NAT2: variants seen among roughly 807,000 people sequenced by gnomAD.
NAT2 encodes the protein arylamine N-acetyltransferase 2.
For synonymous variants in NAT2, 137 were observed against 125.9 expected, an observed-to-expected ratio of 1.09 and a Z score of -0.59; for missense variants, 428 against 339.1, an observed-to-expected ratio of 1.26 and a Z score of -2.06.
chr8:18,400,207 TC>T lies in NAT2; in HGVS notation c.205del (p.Leu69SerfsTer11), dbSNP rs1444509777. The T allele has an allele frequency of 1.2e-6, 2 of 1,611,960 alleles. No homozygotes were observed. Among genetic ancestry groups the T allele is most frequent in the Non-Finnish European group, 1.7e-6 (2 of 1,178,638 alleles). On this transcript the variant is annotated frameshift_variant, in exon 2 of 2. Transcript: ENST00000286479. LOFTEE classifies it low-confidence loss of function (END_TRUNC). ...TAAGAAGAAACCGGGGTGGGTGGTGTCTCCAGGTCAATCAACTTCTGTACTG... is the reference window on the plus strand; with the variant it reads ...TAAGAAGAAACCGGGGTGGGTGGTGTTCCAGGTCAATCAACTTCTGTACTG... ...IVRRNRGGWCLQVNQLLYWAL... is the reference protein window; with the variant it reads ...IVRRNRGGWCXQVNQLLYWAL...
At chr8:18,394,097 G>T (rs1800641494) in intron 1 of NAT2, among the ~76,000 whole-genome samples, 1 of 152,072 alleles carries the variant, frequency 6.6e-6, no homozygotes, top group Non-Finnish European at 1.5e-5. Context: ...ATAGATAAAA[G>T]AAAAGTACAG....
chr8:18,400,133 T>G lies in NAT2; in HGVS notation c.130T>G (p.Cys44Gly), dbSNP rs1800762657. 6.2e-7 allele frequency: 1 copy of G among 1,613,886 alleles called. No individual in the cohort carries two copies. The highest frequency in any genetic ancestry group is 8.5e-7 in the Non-Finnish European group (1 of 1,179,966). Residue 44 changes from cysteine (C) to glycine (G), a missense_variant, in exon 2 of 2, where the codon TGT (cysteine) becomes GGT (glycine). Physicochemically the swap from Cys to Gly is radical, Grantham distance 159. Coordinates refer to ENST00000286479, the MANE Select transcript of NAT2 (RefSeq NM_000015.3). ...AVPFENLNMH[C>G]GQAMELGLEA... ...TCCCTTTGAGAACCTTAACATGCAT[T>G]GTGGGCAAGCCATGGAGTTGGGCTT...
upstream of NAT2, among the ~76,000 whole-genome samples, chr8:18,391,022 A>G (rs1800584209): frequency 6.6e-6 from 1 of 152,164 alleles, no homozygotes; most frequent in Admixed American, 6.5e-5. Flanking sequence ...GAAGTCTGGC[A>G]TCAGACTTCC....
upstream of NAT2, chr8:18,387,441 T>G (rs1249052793): frequency 1.3e-5 from 2 of 153,778 alleles, no homozygotes; most frequent in Non-Finnish European, 2.9e-5. Flanking sequence ...CGCCCGGACT[T>G]CCTCCCTTTC....
rs76737526 is a variant in NAT2, at chr8:18,397,545, G to T, written c.-6-2453G>T. 7.1e-3 allele frequency among the ~76,000 whole-genome samples: 1,073 copies of T among 152,168 alleles called. 19 individuals are homozygous for T. Among genetic ancestry groups the T allele is most frequent in the African/African-American group, 0.025 (1,036 of 41,542 alleles). ...CATGTGTATAATCAAATTCATAAAA[G>T]AAATTTTGTTTGTGGTTATGTTGGC... On this transcript the variant is annotated intron_variant, in intron 1 of 1. Transcript: ENST00000286479.
chr8:18,392,130 C>T (rs34039066), intron 1 of NAT2, among the ~76,000 whole-genome samples: 4,531 of 152,256 alleles, frequency 0.03, 86 homozygotes, highest in Non-Finnish European at 0.041. Context: ...TGTCATGTGA[C>T]AGGTTGATTA....
rs55700793 is a variant in NAT2, at chr8:18,400,769, A to T, written c.766A>T (p.Lys256Ter). ...YKDNTDLVEF[K>*]TLTEEEVEEV... ...AGACAATACAGATCTGGTCGAGTTT[A>T]AAACTCTCACTGAGGAAGAGGTTGA... The change falls in exon 2 of 2, where the codon AAA (lysine) becomes TAA (stop). Residue 256 changes from lysine to a stop codon, truncating the protein, a stop_gained. Coordinates refer to ENST00000286479, the MANE Select transcript of NAT2 (RefSeq NM_000015.3). LOFTEE classifies it low-confidence loss of function (END_TRUNC). The T allele has an allele frequency of 6.2e-7, 1 of 1,613,554 alleles. No homozygotes were observed. The highest frequency in any genetic ancestry group is 8.5e-7 in the Non-Finnish European group (1 of 1,179,910).
intron 1 of NAT2, among the ~76,000 whole-genome samples, chr8:18,398,629 C>A (rs138041912): frequency 6.6e-6 from 1 of 152,300 alleles, no homozygotes; most frequent in East Asian, 1.9e-4. Context: ...ACTTCCTATG[C>A]TGGTACTAAG....
Position 18,400,179 on chromosome 8 carries a change from T to A in NAT2, c.176T>A (p.Ile59Asn), listed in dbSNP as rs773371959. The part of the protein sequence containing the change: ...ELGLEAIFDH[I>N]VRRNRGGWCL... ...GGCTTAGAGGCTATTTTTGATCACATTGTAAGAAGAAACCGGGGTGGGTGG... is the reference window on the plus strand; with the variant it reads ...GGCTTAGAGGCTATTTTTGATCACAATGTAAGAAGAAACCGGGGTGGGTGG... Residue 59 changes from isoleucine to asparagine, a missense_variant, in exon 2 of 2, where the codon ATT becomes AAT. By Grantham distance (149) the Ile-to-Asn change is moderately radical. Coordinates refer to ENST00000286479, the MANE Select transcript of NAT2 (RefSeq NM_000015.3). 7.4e-6 allele frequency: 12 copies of A among 1,613,668 alleles called. No individual in the cohort carries two copies. In the Admixed American group the frequency reaches 1.7e-4, roughly 22 times the overall value.
upstream of NAT2, among the ~76,000 whole-genome samples, chr8:18,390,842 A>G (rs554952606): frequency 6.6e-6 from 1 of 152,268 alleles, no homozygotes; most frequent in South Asian, 2.1e-4. Context: ...TGAGGATGAG[A>G]GATGAAAAGA....
At chr8:18,392,953 C>T (rs1800614484) in intron 1 of NAT2, among the ~76,000 whole-genome samples, 1 of 152,076 alleles carries the variant, frequency 6.6e-6, no homozygotes. Context: ...TTAAAGGTGT[C>T]AGACTCTCAA....
At chr8:18,390,866 G>A (rs919312904), upstream of NAT2, among the ~76,000 whole-genome samples, 1 of 152,154 alleles carries the variant, frequency 6.6e-6, no homozygotes, top group South Asian at 2.1e-4. Flanking sequence ...AGAAGAAAAA[G>A]AGAGGCCTTA....
chr8:18,388,504 CAAAAAAAAAAA>C (rs11390514), upstream of NAT2, among the ~76,000 whole-genome samples: 1 of 78,486 alleles, frequency 1.3e-5, no homozygotes, highest in Non-Finnish European at 2.4e-5. Context: ...AGATAATAAG[CAAAAAAAAAAA>C]AAAAAAAAAA....
Position 18,400,705 on chromosome 8 carries a change from GGT to G in NAT2, c.704_705del (p.Val235GlyfsTer7). On this transcript the variant is annotated frameshift_variant, in exon 2 of 2. Transcript: ENST00000286479. LOFTEE classifies it low-confidence loss of function (END_TRUNC). ...AGACCCCAGAAGGGGTTTACTGTTT[GGT>G]GGGCTTCATCCTCACCTATAGAAAA... ...LQTPEGVYCL[V>X]GFILTYRKFN... is the part of the protein sequence containing the mutation. 1 of 1,613,778 alleles carries G rather than the reference GGT, an allele frequency of 6.2e-7. No homozygotes were observed. Among genetic ancestry groups the G allele is most frequent in the Non-Finnish European group, 8.5e-7 (1 of 1,179,932 alleles).
intron 1 of NAT2, among the ~76,000 whole-genome samples, chr8:18,397,296 G>C (rs188029828): frequency 6.6e-6 from 1 of 151,900 alleles, no homozygotes; most frequent in African/African-American, 2.4e-5. Context: ...CTAATTCAAA[G>C]GTTATTTATG....
chr8:18,392,640 C>T (rs1239830948), intron 1 of NAT2, among the ~76,000 whole-genome samples: 1 of 152,146 alleles, frequency 6.6e-6, no homozygotes, highest in Non-Finnish European at 1.5e-5. Flanking sequence ...ACAGACACAC[C>T]CAGGAACAAT....
At chr8:18,389,156 A>G (rs1800554547), upstream of NAT2, among the ~76,000 whole-genome samples, 1 of 152,194 alleles carries the variant, frequency 6.6e-6, no homozygotes, top group Non-Finnish European at 1.5e-5. Flanking sequence ...AGAATTACAC[A>G]TGTGCCAATC....
intron 1 of NAT2, among the ~76,000 whole-genome samples, chr8:18,395,356 T>A (rs186374907): frequency 1.9e-4 from 29 of 152,212 alleles, no homozygotes; most frequent in Admixed American, 1.7e-3. Flanking sequence ...ATTTGGTTAT[T>A]TCTGTGGCAT....
chr8:18,391,842 C>G (rs76021804), intron 1 of NAT2, among the ~76,000 whole-genome samples: 3,767 of 152,230 alleles, frequency 0.025, 157 homozygotes, highest in African/African-American at 0.086. Context: ...GAGATATTTA[C>G]CATCTGTTTT....
Sources: gnomAD v4.1 joint callset for allele counts (sites outside exome capture counted in the v4.1 genomes callset) on GRCh38, gnomAD v4.1.1 for gene constraint, MANE v1.5 for transcripts, NCBI Gene and HGNC (gene_info 2026-07-23, HGNC 2026-07-21) for gene names.